Variants in DGKB observed in about 807,000 individuals in gnomAD.
DGKB encodes diacylglycerol kinase beta.
Under a neutral mutation model 114.3 loss-of-function variants are expected in DGKB, and 67 were observed. That is an observed-to-expected ratio of 0.59 (90% CI 0.48 to 0.72). The LOEUF (loss-of-function observed/expected upper bound fraction) is 0.72. Among genes scored for constraint, DGKB ranks in the 30% least tolerant of loss-of-function variants. The pLI, the probability that DGKB is intolerant of heterozygous loss-of-function variation, is 0.00. For synonymous variants in DGKB, 398 were observed against 323.1 expected (o/e 1.23, Z -2.49); for missense variants, 907 against 975.2 (o/e 0.93, Z 0.93).
At chr7:14,556,318 TA>T (rs1191882678) in intron 20 of DGKB, among the ~76,000 whole-genome samples, 3 of 152,218 alleles carry the variant, frequency 2.0e-5, no homozygotes, top group Admixed American at 6.5e-5. Context: ...GTTAGAGGTT[TA>T]AAAAATATAT....
intron 23 of DGKB, among the ~76,000 whole-genome samples, chr7:14,207,075 T>G (rs1446154875): frequency 6.6e-6 from 1 of 152,080 alleles, no homozygotes; most frequent in Non-Finnish European, 1.5e-5. Flanking sequence ...TGATCATGTT[T>G]TCTTGCTGCC....
rs956721188 is a variant in DGKB at position 14,941,227 on chromosome 7, T to G, written c.-188+33469A>C. Reference sequence around the variant, plus strand: ...TCATTAAAAATGACCACTTTTCAAGTGCTTGCAAAAAAAATAAATTATTAA... The same window carrying G: ...TCATTAAAAATGACCACTTTTCAAGGGCTTGCAAAAAAAATAAATTATTAA... On this transcript the variant is annotated intron_variant, in intron 1 of 4. Transcript: ENST00000437998. Among the ~76,000 whole-genome samples the G allele has an allele frequency of 5.9e-5, 9 of 152,042 alleles. No individual in the cohort carries two copies. In the South Asian group the frequency reaches 1.7e-3, roughly 28 times the overall value.
intron 4 of DGKB, among the ~76,000 whole-genome samples, chr7:14,744,571 G>A (rs1017157319): frequency 6.6e-6 from 1 of 152,116 alleles, no homozygotes; most frequent in African/African-American, 2.4e-5. Context: ...CCCATGGCTG[G>A]GCTGGGCTTT....
In DGKB at chr7:14,178,143, C is replaced by T; in HGVS notation, c.2131G>A (p.Asp711Asn). ...AAGCCGACCACCTCCAGCAGCTGGT[C>T]ACTGAGATCTGAAAGAAAGTAGATG... ...ELKFASQDLS[D>N]QLLEVVGLEG... The change falls in exon 24 of 26, where the codon GAC becomes AAC. Residue 711 changes from aspartate (D) to asparagine (N), a missense_variant. Physicochemically the swap from Asp to Asn is conservative, Grantham distance 23. Around this residue, in one of 3 missense-constraint regions of DGKB, gnomAD observed 814 missense variants for 856.6 expected, o/e 0.95. Coordinates refer to ENST00000402815, the MANE Select transcript of DGKB (RefSeq NM_001350709.2). 1 of 1,613,370 alleles carries T rather than the reference C, an allele frequency of 6.2e-7. No homozygotes were observed. Among genetic ancestry groups the T allele is most frequent in the Non-Finnish European group, 8.5e-7 (1 of 1,179,720 alleles).
chr7:14,775,933 AG>A (rs1838103101), intron 2 of DGKB, among the ~76,000 whole-genome samples: 1 of 152,104 alleles, frequency 6.6e-6, no homozygotes, highest in South Asian at 2.1e-4. Context: ...AAGAATTTGG[AG>A]GGCTCAGAGA....
chr7:14,482,703 A>C (rs1194745943), intron 20 of DGKB, among the ~76,000 whole-genome samples: 2 of 152,096 alleles, frequency 1.3e-5, no homozygotes, highest in Non-Finnish European at 2.9e-5. Context: ...TGTATTTCCC[A>C]TCTGGAATAA....
chr7:14,661,840 T>C (rs933296182), intron 13 of DGKB, among the ~76,000 whole-genome samples: 5 of 152,092 alleles, frequency 3.3e-5, no homozygotes, highest in Non-Finnish European at 7.4e-5. Context: ...ATTAAGAAAA[T>C]GTGGCGCATA....
At chr7:14,385,422 AGAG>A (rs1164545344) in intron 21 of DGKB, among the ~76,000 whole-genome samples, 2 of 152,232 alleles carry the variant, frequency 1.3e-5, no homozygotes, top group Non-Finnish European at 2.9e-5. Flanking sequence ...GTACTAGGTC[AGAG>A]GAGAAGATAT....
At chr7:14,642,147 C>T (rs902962261) in intron 13 of DGKB, among the ~76,000 whole-genome samples, 2 of 152,000 alleles carry the variant, frequency 1.3e-5, no homozygotes, top group African/African-American at 4.8e-5. Context: ...TATTCTAATA[C>T]AGATATAGTT....
At chr7:14,242,524 C>T (rs1455817102) in intron 23 of DGKB, among the ~76,000 whole-genome samples, 1 of 152,114 alleles carries the variant, frequency 6.6e-6, no homozygotes, top group Non-Finnish European at 1.5e-5. Flanking sequence ...TCTTAGGAAT[C>T]TAGGTCAGAA....
At chr7:14,798,306 C>T (rs918269821) in intron 2 of DGKB, among the ~76,000 whole-genome samples, 33 of 152,256 alleles carry the variant, frequency 2.2e-4, no homozygotes, top group Middle Eastern at 3.4e-3. Flanking sequence ...TGTTTCCTAT[C>T]GCTATCAATA....
chr7:14,643,162 A>G (rs2128878029), intron 13 of DGKB, among the ~76,000 whole-genome samples: 1 of 152,300 alleles, frequency 6.6e-6, no homozygotes, highest in South Asian at 2.1e-4. Context: ...AAATAAAAGC[A>G]AAGCAGCTAG....
At chr7:14,218,599 A>T (rs1789394243) in intron 23 of DGKB, among the ~76,000 whole-genome samples, 1 of 152,030 alleles carries the variant, frequency 6.6e-6, no homozygotes, top group South Asian at 2.1e-4. Context: ...CCTGCCTACA[A>T]TGAATAAGAG....
At chr7:14,271,240 AAG>A (rs1179064661) in intron 23 of DGKB, among the ~76,000 whole-genome samples, 1 of 152,180 alleles carries the variant, frequency 6.6e-6, no homozygotes, top group Non-Finnish European at 1.5e-5. Context: ...CTTCCATTCA[AAG>A]AGAGATAACA....
intron 13 of DGKB, among the ~76,000 whole-genome samples, chr7:14,669,472 A>G (rs1818590399): frequency 6.6e-6 from 1 of 152,050 alleles, no homozygotes; most frequent in Admixed American, 6.6e-5. Flanking sequence ...CACAGAGGTG[A>G]CTCCCTCAAA....
At chr7:14,724,450 G>A (rs73682509) in intron 5 of DGKB, among the ~76,000 whole-genome samples, 1 of 152,162 alleles carries the variant, frequency 6.6e-6, no homozygotes, top group Admixed American at 6.5e-5. Flanking sequence ...CTTATAAAGA[G>A]AAGACAGACT....
At chr7:14,680,558 A>C (rs1820647673) in intron 12 of DGKB, among the ~76,000 whole-genome samples, 1 of 151,826 alleles carries the variant, frequency 6.6e-6, no homozygotes, top group Admixed American at 6.6e-5. Context: ...AAGAACCATT[A>C]AAACAAAAAG....
chr7:14,562,516 A>T (rs1161217981), intron 20 of DGKB, among the ~76,000 whole-genome samples: 1 of 152,176 alleles, frequency 6.6e-6, no homozygotes, highest in Admixed American at 6.5e-5. Context: ...GGGAAGATGT[A>T]CCCTGCAAAG....
chr7:14,741,905 G>C (rs770563798), intron 4 of DGKB, among the ~76,000 whole-genome samples: 3 of 152,156 alleles, frequency 2.0e-5, no homozygotes, highest in Non-Finnish European at 4.4e-5. Context: ...GGATATCCAA[G>C]CTATAGGTAT....
Sources: allele counts gnomAD v4.1 joint callset (sites outside exome capture counted in the v4.1 genomes callset), GRCh38; gene constraint gnomAD v4.1.1; regional missense constraint gnomAD v4.1.1; transcripts MANE v1.5; gene names NCBI Gene and HGNC (gene_info 2026-07-23, HGNC 2026-07-21).